The following NFRKB variants were observed in gnomAD, a reference collection of about 807,000 sequenced individuals.
NFRKB encodes nuclear factor related to kappaB binding protein, also known as nuclear factor related to kappa-B-binding protein.
A neutral mutation model predicts 135.7 loss-of-function variants in NFRKB; 62 were observed. The observed-to-expected ratio is 0.46, with a 90% confidence interval of 0.37 to 0.56. The LOEUF (loss-of-function observed/expected upper bound fraction) is 0.56, where lower values mean the gene tolerates loss of function less well. Ranked by LOEUF, NFRKB falls within the 20% of genes least tolerant of loss-of-function variation. The pLI is 0.00. For synonymous variants in NFRKB, 678 were observed against 635.6 expected, an observed-to-expected ratio of 1.07 and a Z score of -1.00; for missense variants, 1,545 against 1,662.0, an observed-to-expected ratio of 0.93 and a Z score of 1.22.
chr11:129,876,081 G>T (rs1197498911), intron 17 of NFRKB, among the ~76,000 whole-genome samples: 1 of 152,108 alleles, frequency 6.6e-6, no homozygotes, highest in Non-Finnish European at 1.5e-5. Context: ...TATGAACAAA[G>T]GGAACAAACC....
chr11:129,883,404 C>T (rs1451221540), intron 8 of NFRKB, among the ~76,000 whole-genome samples, 198 bp from the exon 9 acceptor site: 3 of 152,188 alleles, frequency 2.0e-5, no homozygotes, highest in Admixed American at 2.0e-4. Flanking sequence ...CTGCACAGAA[C>T]CCAGTTCCAA....
rs368533897 is a variant in NFRKB at position 129,874,068 on chromosome 11, A to G, written c.2279+45T>C. ...AAACAAAAACTTAGGACATGCATACAAAAGAACTCTAGAACGAAAAAGCTG... is the reference window on the plus strand; with the variant it reads ...AAACAAAAACTTAGGACATGCATACGAAAGAACTCTAGAACGAAAAAGCTG... On this transcript the variant is annotated intron_variant, in intron 21 of 26. Transcript: ENST00000682444. The surrounding 1 kb of genome is among the most constrained non-coding windows in gnomAD (Gnocchi z 4.5). 1.4e-4 allele frequency: 218 copies of G among 1,591,736 alleles called. No homozygotes were observed. The highest frequency in any genetic ancestry group is 1.9e-4 in the Non-Finnish European group (218 of 1,166,296).
intron 24 of NFRKB, among the ~76,000 whole-genome samples, chr11:129,866,221 C>T (rs1391455223): frequency 6.6e-6 from 1 of 152,110 alleles, no homozygotes; most frequent in East Asian, 1.9e-4. Context: ...CCAGAAGCAG[C>T]AGCAACCCAT....
chr11:129,885,700 A>T (rs1468833035), intron 5 of NFRKB, 91 bp from the exon 6 acceptor site: 17 of 1,278,084 alleles, frequency 1.3e-5, no homozygotes, highest in Non-Finnish European at 1.8e-5. Flanking sequence ...TCTTCTCTTC[A>T]GTGTTAAGCC....
chr11:129,876,831 A>G lies in NFRKB; in HGVS notation c.1637T>C (p.Val546Ala), dbSNP rs746263117. The G allele has an allele frequency of 6.2e-7, 1 of 1,614,134 alleles. No individual in the cohort carries two copies. Among genetic ancestry groups the G allele is most frequent in the Non-Finnish European group, 8.5e-7 (1 of 1,180,018 alleles). ...FTFRMHGFES[V>A]VGPVKGVFDK... The stretch of plus-strand genomic sequence containing the variant: ...AAACACGCCCTTCACTGGCCCCACC[A>G]CAGACTCAAAGCCGTGCATGCGAAA... Residue 546 changes from valine (V) to alanine (A), a missense_variant, in exon 17 of 27, where the codon GTG becomes GCG. Physicochemically the swap from Val to Ala is moderately conservative, Grantham distance 64. Around this residue, in one of 3 missense-constraint regions of NFRKB, gnomAD observed 114 missense variants for 211.0 expected, o/e 0.54. Transcript: ENST00000682444.
intron 3 of NFRKB, among the ~76,000 whole-genome samples, chr11:129,889,134 G>C (rs1227722394): frequency 2.0e-5 from 3 of 151,938 alleles, no homozygotes; most frequent in African/African-American, 7.3e-5. Flanking sequence ...CCTATTTTTT[G>C]TATTTTTAGT....
At chr11:129,888,237 C>T in intron 4 of NFRKB, 2 of 572,690 alleles carry the variant, frequency 3.5e-6, no homozygotes, top group South Asian at 2.2e-5. Context: ...CACACACACA[C>T]GAACCTTGAT....
chr11:129,866,964 G>A (rs933269676), intron 24 of NFRKB, among the ~76,000 whole-genome samples: 3 of 152,134 alleles, frequency 2.0e-5, no homozygotes, highest in Admixed American at 6.6e-5. Context: ...AGCATGCAAA[G>A]AGGGCAACAG....
chr11:129,892,685 G>A lies in NFRKB; in HGVS notation c.135+30C>T, dbSNP rs141558969. ...GCTGTTACAAGGAAGCTGACAGAGA[G>A]GAAAAGGTCACAACCGTGTTACTAC... is the stretch of plus-strand genomic sequence containing the variant. On this transcript the variant is annotated intron_variant, in intron 3 of 26. Coordinates refer to ENST00000682444, the MANE Select transcript of NFRKB (RefSeq NM_001143835.2). The A allele has an allele frequency of 1.1e-3, 1,760 of 1,608,226 alleles. 29 individuals are homozygous for A. The East Asian group carries it at 0.033, about 30-fold the overall frequency.
chr11:129,875,000 G>A lies in NFRKB; in HGVS notation c.1855-84C>T. 1 of 1,546,484 alleles carries A rather than the reference G, an allele frequency of 6.5e-7. No individual in the cohort carries two copies. The highest frequency in any genetic ancestry group is 8.9e-7 in the Non-Finnish European group (1 of 1,126,396). On this transcript the variant is annotated intron_variant, in intron 18 of 26. Transcript: ENST00000682444. This position sits in a 1 kb window ranked among gnomAD's most constrained non-coding sequence, Gnocchi z 4.5. ...TGAACTCTAGGAAAAAAATGTCATTGTATCTAAATCACAGCTGATGCAGAT... is the reference window on the plus strand; with the variant it reads ...TGAACTCTAGGAAAAAAATGTCATTATATCTAAATCACAGCTGATGCAGAT...
intron 24 of NFRKB, among the ~76,000 whole-genome samples, chr11:129,867,958 T>A (rs1948287498): frequency 6.6e-6 from 1 of 152,194 alleles, no homozygotes; most frequent in Admixed American, 6.5e-5. Flanking sequence ...GAAGTGAGAT[T>A]TCTACTTCAT....
At position 129,884,813 on chromosome 11, in the gene NFRKB, C is replaced by T. The variant is rs1949195832; in HGVS notation, c.674G>A (p.Arg225His). 2 of 1,614,182 alleles carry T rather than the reference C, an allele frequency of 1.2e-6. No individual in the cohort carries two copies. The highest frequency in any genetic ancestry group is 1.3e-5 in the African/African-American group (1 of 75,056). ...LSSWLPSSPA[R>H]SPSPAVPLRV... Reference sequence around the variant, plus strand: ...CAGGGGCACCGCAGGACTAGGAGAACGTGCTGGAGAGCTCGGAAGCCATGA... The same window carrying T: ...CAGGGGCACCGCAGGACTAGGAGAATGTGCTGGAGAGCTCGGAAGCCATGA... Residue 225 changes from arginine to histidine, a missense_variant, in exon 7 of 27, where the codon CGT (arginine) becomes CAT (histidine). Around this residue, in one of 3 missense-constraint regions of NFRKB, gnomAD observed 678 missense variants for 646.7 expected, o/e 1.05. Coordinates refer to ENST00000682444, the MANE Select transcript of NFRKB (RefSeq NM_001143835.2).
At position 129,888,425 on chromosome 11, in the gene NFRKB, T is replaced by A. The variant is rs772620287; in HGVS notation, c.337+169A>T. 7.2e-5 allele frequency: 53 copies of A among 740,188 alleles called. No homozygotes were observed. In the East Asian group the frequency reaches 1.4e-3, roughly 20 times the overall value. 45.9% of individuals were successfully genotyped at this position (740,188 alleles called of 1,614,324 possible). ...TTCTATATAAGTCAATACATTTTTG[T>A]TTTTTAGAACACAGCCTAGACAGCA... On this transcript the variant is annotated intron_variant, in intron 4 of 26. Coordinates refer to ENST00000682444, the MANE Select transcript of NFRKB (RefSeq NM_001143835.2).
Position 129,869,482 on chromosome 11 carries a change from CTAGT to C in NFRKB, c.3531+8_3531+11del, listed in dbSNP as rs1948384694. The C allele has an allele frequency of 6.3e-7, 1 of 1,595,006 alleles. No individual in the cohort carries two copies. On this transcript the variant is annotated splice_region_variant and intron_variant, in intron 24 of 26. Coordinates refer to ENST00000682444, the MANE Select transcript of NFRKB (RefSeq NM_001143835.2). ...AAAAAAGAAGGCCTAAGCTTTACCA[CTAGT>C]TACTCACAGCCTGGGACGTGGACAC...
Position 129,892,859 on chromosome 11 carries a change from T to C in NFRKB, c.-10A>G, listed in dbSNP as rs970081035. On this transcript the variant is annotated 5_prime_UTR_variant, in exon 3 of 27. Coordinates refer to ENST00000682444, the MANE Select transcript of NFRKB (RefSeq NM_001143835.2). ...GGTCTAAGGAATCCATTGTTTCTTC[T>C]CCACAGGTACTCTGGACAAAGACAT... 5.6e-6 allele frequency: 9 copies of C among 1,614,044 alleles called. No homozygotes were observed. The African/African-American group carries it at 1.1e-4, about 19-fold the overall frequency.
rs763115589 is a variant in NFRKB at position 129,884,791 on chromosome 11, G to T, written c.696C>A (p.Pro232=). 1.2e-6 allele frequency: 2 copies of T among 1,614,176 alleles called. No homozygotes were observed. The highest frequency in any genetic ancestry group is 1.7e-6 in the Non-Finnish European group (2 of 1,180,028). ...SPARSPSPAV[P]LRVVPTLSTT... is the part of the protein sequence containing the mutation. ...TTGAAAGTGTGGGCACCACCCGCAGGGGCACCGCAGGACTAGGAGAACGTG... is the reference window on the plus strand; with the variant it reads ...TTGAAAGTGTGGGCACCACCCGCAGTGGCACCGCAGGACTAGGAGAACGTG... Residue 232 remains proline (P), a synonymous_variant, in exon 7 of 27, where the codon CCC becomes CCA. Transcript: ENST00000682444.
intron 3 of NFRKB, among the ~76,000 whole-genome samples, chr11:129,889,525 TG>T (rs1379370814): frequency 1.3e-5 from 2 of 151,634 alleles, no homozygotes; most frequent in Non-Finnish European, 2.9e-5. Flanking sequence ...AGAAACAGGA[TG>T]GGGTTCATTT....
chr11:129,888,238 G>A (rs949468013), intron 4 of NFRKB: 27 of 542,356 alleles, frequency 5.0e-5, no homozygotes, highest in African/African-American at 2.7e-4. Flanking sequence ...ACACACACAC[G>A]AACCTTGATA....
At chr11:129,893,706 T>A (rs1949662094) in intron 2 of NFRKB, among the ~76,000 whole-genome samples, 3 of 152,204 alleles carry the variant, frequency 2.0e-5, no homozygotes, top group African/African-American at 7.2e-5. Flanking sequence ...GCCTTTCACA[T>A]ATCTCATTTA....
Sources: gnomAD v4.1 joint callset for allele counts (sites outside exome capture counted in the v4.1 genomes callset) on GRCh38, gnomAD v4.1.1 for gene constraint, gnomAD v4.1.1 regional missense constraint, Gnocchi (gnomAD v3.1) non-coding constraint, MANE v1.5 for transcripts, NCBI Gene and HGNC (gene_info 2026-07-23, HGNC 2026-07-21) for gene names.